Variants in PID1 observed in about 807,000 individuals in gnomAD.
PID1 encodes phosphotyrosine interaction domain containing 1.
A neutral mutation model predicts 19.1 loss-of-function variants in PID1; 10 were observed. That is an observed-to-expected ratio of 0.52 (90% CI 0.32 to 0.89). PID1 has a LOEUF of 0.89. PID1 is among the 40% of genes least tolerant of loss of function. PID1 has a pLI of 0.03. For synonymous variants in PID1, 130 were observed against 116.0 expected (o/e 1.12, Z -0.78); for missense variants, 248 against 285.3 (o/e 0.87, Z 0.94).
At chr2:229,138,982 A>AGAACGAAC (rs1213815551) in intron 2 of PID1, among the ~76,000 whole-genome samples, 10 of 42,616 alleles carry the variant, frequency 2.3e-4, no homozygotes, top group African/African-American at 8.7e-4. Flanking sequence ...AAAAAATAGA[A>AGAACGAAC]GAAAGAAAGA....
intron 2 of PID1, among the ~76,000 whole-genome samples, chr2:229,060,873 G>A (rs1029326075): frequency 5.3e-5 from 8 of 151,902 alleles, no homozygotes; most frequent in Non-Finnish European, 8.8e-5. Context: ...AGTGATGAGC[G>A]ATTCTTCATA....
At chr2:229,103,148 G>T (rs1269214295) in intron 2 of PID1, among the ~76,000 whole-genome samples, 1 of 152,086 alleles carries the variant, frequency 6.6e-6, no homozygotes, top group Non-Finnish European at 1.5e-5. Flanking sequence ...AAAGTCTTTA[G>T]GTGTGGGAGA....
intron 2 of PID1, among the ~76,000 whole-genome samples, chr2:229,111,804 T>C (rs768803331): frequency 6.6e-6 from 1 of 152,230 alleles, no homozygotes; most frequent in Non-Finnish European, 1.5e-5. Flanking sequence ...AAGGCAGCAG[T>C]GAGCCTAATG....
intron 2 of PID1, among the ~76,000 whole-genome samples, chr2:229,135,325 G>T (rs1385073045): frequency 1.3e-5 from 2 of 152,128 alleles, no homozygotes; most frequent in African/African-American, 4.8e-5. Context: ...ATGCATTCGT[G>T]AAATGGCATG....
At chr2:229,049,114 A>G (rs561239712) in intron 2 of PID1, among the ~76,000 whole-genome samples, 6 of 152,180 alleles carry the variant, frequency 3.9e-5, no homozygotes, top group Non-Finnish European at 7.3e-5. Flanking sequence ...TCTTTCAGAA[A>G]TAATTTTCCC....
intron 2 of PID1, among the ~76,000 whole-genome samples, chr2:229,074,941 T>G (rs1694528221): frequency 1.3e-5 from 2 of 152,240 alleles, no homozygotes; most frequent in Admixed American, 6.5e-5. Context: ...GTAGAATTTG[T>G]AGTTATGTAA....
intron 1 of PID1, among the ~76,000 whole-genome samples, chr2:229,256,146 G>A (rs1251805120): frequency 1.3e-5 from 2 of 152,158 alleles, no homozygotes; most frequent in African/African-American, 4.8e-5. Context: ...GGCTCAGCAA[G>A]CTGGGTGACT....
chr2:229,191,246 C>A (rs931765797), intron 1 of PID1, among the ~76,000 whole-genome samples: 2 of 152,006 alleles, frequency 1.3e-5, no homozygotes, highest in African/African-American at 4.8e-5. Flanking sequence ...GGGAGGAGGG[C>A]AAATCGCCAC....
intron 2 of PID1, among the ~76,000 whole-genome samples, chr2:229,074,306 G>T (rs1694515102): frequency 6.6e-6 from 1 of 151,528 alleles, no homozygotes; most frequent in South Asian, 2.1e-4. Context: ...TATACTTCAA[G>T]AAATTAACAT....
intron 1 of PID1, among the ~76,000 whole-genome samples, chr2:229,174,736 A>G (rs950803225): frequency 7.2e-5 from 11 of 151,892 alleles, no homozygotes; most frequent in Admixed American, 5.2e-4. Flanking sequence ...AAAAAAAAAA[A>G]AAAGAAAGAG....
intron 1 of PID1, among the ~76,000 whole-genome samples, chr2:229,192,883 C>T (rs1306638730): frequency 6.6e-6 from 1 of 152,148 alleles, no homozygotes; most frequent in East Asian, 1.9e-4. Context: ...TTGCTCTCAG[C>T]CACACAGGTT....
At chr2:229,242,499 C>T (rs780796527) in intron 1 of PID1, among the ~76,000 whole-genome samples, 3 of 152,094 alleles carry the variant, frequency 2.0e-5, no homozygotes, top group Non-Finnish European at 4.4e-5. Flanking sequence ...CAGCTGCCTA[C>T]ACTAGGAACC....
intron 1 of PID1, among the ~76,000 whole-genome samples, chr2:229,176,747 G>A (rs1182164136): frequency 2.0e-5 from 3 of 152,108 alleles, no homozygotes; most frequent in African/African-American, 4.8e-5. Context: ...AGTTAACAAA[G>A]GGAAGCCAAA....
chr2:229,227,978 A>C (rs1311308016), intron 1 of PID1: 2 of 455,990 alleles, frequency 4.4e-6, no homozygotes, highest in Admixed American at 4.7e-5. Flanking sequence ...CTATCTGTAG[A>C]TTTTGGTATT....
chr2:229,028,656 T>C (rs1054591636), intron 2 of PID1, among the ~76,000 whole-genome samples: 1 of 152,158 alleles, frequency 6.6e-6, no homozygotes, highest in African/African-American at 2.4e-5. Context: ...ATGTGGTACA[T>C]ATACACCATG....
At chr2:229,032,924 T>C (rs1161257188) in intron 2 of PID1, among the ~76,000 whole-genome samples, 2 of 152,136 alleles carry the variant, frequency 1.3e-5, no homozygotes, top group Non-Finnish European at 2.9e-5. Flanking sequence ...GTGTCTGCAG[T>C]GTTAACAGCG....
intron 2 of PID1, among the ~76,000 whole-genome samples, chr2:229,065,712 C>CAAAAAAAA (rs71988256): frequency 4.8e-5 from 5 of 103,962 alleles, no homozygotes; most frequent in East Asian, 3.2e-4. Flanking sequence ...TTGTGATTTA[C>CAAAAAAAA]AAAAAAAAAA....
intron 2 of PID1, among the ~76,000 whole-genome samples, chr2:229,053,702 A>G (rs1311967210): frequency 6.6e-6 from 1 of 152,216 alleles, no homozygotes; most frequent in Non-Finnish European, 1.5e-5. Flanking sequence ...TTTGGACACA[A>G]TATAAAATGT....
intron 2 of PID1, among the ~76,000 whole-genome samples, chr2:229,126,652 G>C (rs960132648): frequency 6.6e-6 from 1 of 152,164 alleles, no homozygotes; most frequent in Non-Finnish European, 1.5e-5. Context: ...ATTCAGAAGA[G>C]AGTACATACA....
Sources: gnomAD v4.1 joint callset for allele counts (sites outside exome capture counted in the v4.1 genomes callset) on GRCh38, gnomAD v4.1.1 for gene constraint, MANE v1.5 for transcripts, NCBI Gene and HGNC (gene_info 2026-07-23, HGNC 2026-07-21) for gene names.